The following C2CD2 variants were observed in gnomAD, a reference collection of about 807,000 sequenced individuals.
The protein encoded by C2CD2 is C2 domain-containing protein 2.
Under a neutral mutation model 74.3 loss-of-function variants are expected in C2CD2, and 43 were observed. The ratio of observed to expected loss-of-function variants is 0.58; its 90% CI spans 0.45 to 0.75. The LOEUF is 0.75. C2CD2 is among the 30% of genes least tolerant of loss of function. C2CD2 has a pLI of 0.00. For missense variants in C2CD2, 801 were observed against 916.3 expected, an observed-to-expected ratio of 0.87 and a Z score of 1.63; for synonymous variants, 422 against 390.7, an observed-to-expected ratio of 1.08 and a Z score of -0.94.
chr21:41,922,663 C>T (rs1165156220), intron 2 of C2CD2, among the ~76,000 whole-genome samples: 1 of 151,550 alleles, frequency 6.6e-6, no homozygotes, highest in African/African-American at 2.4e-5. Flanking sequence ...TTAGTAGAGA[C>T]AAAGTTTCAC....
chr21:41,933,310 C>T (rs372601667), intron 2 of C2CD2, among the ~76,000 whole-genome samples: 1 of 150,980 alleles, frequency 6.6e-6, no homozygotes, highest in African/African-American at 2.4e-5. Context: ...GAACACGAGG[C>T]GGTGCAGACA....
chr21:41,893,470 T>C (rs965656806), intron 13 of C2CD2, among the ~76,000 whole-genome samples: 1 of 152,196 alleles, frequency 6.6e-6, no homozygotes, highest in African/African-American at 2.4e-5. Context: ...AAAAAGATGG[T>C]AGACAAGAAA....
At chr21:41,922,149 A>ATCT (rs1379529462) in intron 2 of C2CD2, 64 bp from the exon 3 acceptor site, 3 of 875,794 alleles carry the variant, frequency 3.4e-6, no homozygotes, top group South Asian at 3.1e-5. Context: ...GTGCATACGC[A>ATCT]TCTTCTTCTT....
At chr21:41,943,307 T>C (rs1415279191) in intron 1 of C2CD2, among the ~76,000 whole-genome samples, 1 of 151,516 alleles carries the variant, frequency 6.6e-6, no homozygotes, top group Non-Finnish European at 1.5e-5. Context: ...AAAAAAAAAA[T>C]TCTCCAAACG....
At chr21:41,925,381 G>A (rs1370493967) in intron 2 of C2CD2, among the ~76,000 whole-genome samples, 1 of 152,112 alleles carries the variant, frequency 6.6e-6, no homozygotes, top group East Asian at 1.9e-4. Flanking sequence ...CTACTCAGAA[G>A]GGTAAAGTGA....
intron 6 of C2CD2, among the ~76,000 whole-genome samples, chr21:41,913,958 T>TA (rs2065057930): frequency 1.3e-5 from 2 of 152,004 alleles, no homozygotes; most frequent in African/African-American, 4.8e-5. Context: ...TCACCCACTT[T>TA]CTAAGAAAGC....
At chr21:41,916,117 T>C (rs1391249181) in intron 5 of C2CD2, among the ~76,000 whole-genome samples, 1 of 152,094 alleles carries the variant, frequency 6.6e-6, no homozygotes, top group Admixed American at 6.6e-5. Flanking sequence ...CAAGAAGGAA[T>C]TGCCGAAATC....
rs987962655 is a variant in C2CD2, at chr21:41,918,315, C to T, written c.598-88G>A. 3.6e-6 allele frequency: 5 copies of T among 1,388,750 alleles called. No homozygotes were observed. The African/African-American group carries it at 7.2e-5, about 20-fold the overall frequency. 86.0% of individuals were successfully genotyped at this position (1,388,750 alleles called of 1,614,324 possible). A position where few individuals can be genotyped will look rare whatever the true frequency, so the allele number is the denominator to read the frequency against. ...ACGTCTTCAGGTGACTAAAACCATG[C>T]AAAGTAGGAAGGAAGGAAATTACCT... On this transcript the variant is annotated intron_variant, in intron 4 of 13. Transcript: ENST00000380486.
At chr21:41,906,320 C>T (rs1049694489) in intron 10 of C2CD2, among the ~76,000 whole-genome samples, 4 of 152,156 alleles carry the variant, frequency 2.6e-5, no homozygotes, top group African/African-American at 7.2e-5. Flanking sequence ...AAGAAAAAAG[C>T]GTGTGCTGTC....
At chr21:41,937,532 A>G (rs2065319047) in intron 2 of C2CD2, among the ~76,000 whole-genome samples, 1 of 152,254 alleles carries the variant, frequency 6.6e-6, no homozygotes, top group Non-Finnish European at 1.5e-5. Flanking sequence ...GGCTATTAAT[A>G]GTTAAGTTTC....
intron 13 of C2CD2, among the ~76,000 whole-genome samples, chr21:41,898,336 G>A (rs2064848296): frequency 6.6e-6 from 1 of 152,200 alleles, no homozygotes; most frequent in African/African-American, 2.4e-5. Context: ...TATGGAGGAG[G>A]ATGCTGAGGC....
chr21:41,899,156 C>CTG lies in C2CD2; in HGVS notation c.1765_1766dup (p.Gln589HisfsTer24). On this transcript the variant is annotated frameshift_variant, in exon 13 of 14. Coordinates refer to ENST00000380486, the MANE Select transcript of C2CD2 (RefSeq NM_015500.2). LOFTEE classifies it high-confidence loss of function. This position sits in a 1 kb window ranked among gnomAD's most constrained non-coding sequence, Gnocchi z 4.4. The stretch of plus-strand genomic sequence containing the variant: ...GGACCTGGCTGCTCCATGCCGCGGC[C>CTG]TGTGGCTCCTTCTCCAAGTCCCAGG... 1 of 1,613,626 alleles carries CTG rather than the reference C, an allele frequency of 6.2e-7. No homozygotes were observed. Among genetic ancestry groups the CTG allele is most frequent in the Non-Finnish European group, 8.5e-7 (1 of 1,179,894 alleles).
chr21:41,904,741 CCT>C (rs2064940229), intron 11 of C2CD2, among the ~76,000 whole-genome samples: 1 of 152,188 alleles, frequency 6.6e-6, no homozygotes, highest in Non-Finnish European at 1.5e-5. Flanking sequence ...TTTCCACTCC[CCT>C]GACTGCCCCA....
chr21:41,907,939 G>A (rs1219819331), intron 8 of C2CD2, 155 bp from the exon 9 acceptor site: 3 of 761,532 alleles, frequency 3.9e-6, no homozygotes, highest in Non-Finnish European at 6.7e-6. Context: ...GAAAAATGTC[G>A]ATGCCATAAA....
chr21:41,914,740 CT>C lies in C2CD2; in HGVS notation c.721-20del, dbSNP rs778600108. The stretch of plus-strand genomic sequence containing the variant: ...GTAAGTTCTGAAAAAATAAAGAGCA[CT>C]TTATTTTTGGTCTTCATGGGGAGAT... On this transcript the variant is annotated intron_variant, in intron 5 of 13. Transcript: ENST00000380486. The C allele has an allele frequency of 1.2e-6, 2 of 1,609,100 alleles. No homozygotes were observed. The highest frequency in any genetic ancestry group is 4.5e-5 in the East Asian group (2 of 44,538).
At chr21:41,896,284 G>A (rs2064821290) in intron 13 of C2CD2, among the ~76,000 whole-genome samples, 1 of 152,214 alleles carries the variant, frequency 6.6e-6, no homozygotes, top group Admixed American at 6.5e-5. Flanking sequence ...AGAGAAGTAA[G>A]AGGCAGAAAG....
intron 2 of C2CD2, 58 bp from the exon 3 acceptor site, chr21:41,922,143 A>T: frequency 1.0e-6 from 1 of 967,318 alleles, no homozygotes; most frequent in Non-Finnish European, 1.6e-6. Context: ...CAGCGCGTGC[A>T]TACGCATCTT....
Position 41,953,408 on chromosome 21 carries a change from A to T in C2CD2, c.241T>A (p.Trp81Arg). The change falls in exon 1 of 14, where the codon TGG becomes AGG. Residue 81 changes from tryptophan to arginine, a missense_variant. Coordinates refer to ENST00000380486, the MANE Select transcript of C2CD2 (RefSeq NM_015500.2). ...GSWRSQWQAA[W>R]VTALNEEAER... ...GCCTCCTCGTTCAGGGCGGTCACCC[A>T]GGCCGCCTGCCACTGGCTCCTCCAG... The T allele has an allele frequency of 7.1e-7, 1 of 1,416,394 alleles. No individual in the cohort carries two copies. Among genetic ancestry groups the T allele is most frequent in the Admixed American group, 2.9e-5 (1 of 34,714 alleles). 87.7% of individuals were successfully genotyped at this position (1,416,394 alleles called of 1,614,324 possible).
In C2CD2 at chr21:41,924,942, T is replaced by C. The variant is rs1396407853; in HGVS notation, c.379-2857A>G. Among the ~76,000 whole-genome samples, 1 of 152,074 alleles carries C rather than the reference T, an allele frequency of 6.6e-6. No homozygotes were observed. The highest frequency in any genetic ancestry group is 2.4e-5 in the African/African-American group (1 of 41,418). On this transcript the variant is annotated intron_variant, in intron 2 of 13. Coordinates refer to ENST00000380486, the MANE Select transcript of C2CD2 (RefSeq NM_015500.2). This position sits in a 1 kb window ranked among gnomAD's most constrained non-coding sequence, Gnocchi z 4.4. The stretch of plus-strand genomic sequence containing the variant: ...AAAAGCAAGCAAATAAATAAGTAAA[T>C]AGATAAAAAGACTTTAAAACTTCTA...
Sources: gnomAD v4.1 joint callset for allele counts (sites outside exome capture counted in the v4.1 genomes callset) on GRCh38, gnomAD v4.1.1 for gene constraint, Gnocchi (gnomAD v3.1) non-coding constraint, MANE v1.5 for transcripts, NCBI Gene and HGNC (gene_info 2026-07-23, HGNC 2026-07-21) for gene names.